Variants in STXBP5L observed in about 807,000 individuals in gnomAD.
STXBP5L encodes the protein syntaxin binding protein 5L, also known as syntaxin-binding protein 5-like.
Under a neutral mutation model 144.5 loss-of-function variants are expected in STXBP5L, and 65 were observed. The observed-to-expected ratio is 0.45, with a 90% CI of 0.37 to 0.55. The LOEUF (loss-of-function observed/expected upper bound fraction) is 0.55. STXBP5L is among the 20% of genes least tolerant of loss of function. The pLI, the probability that STXBP5L is intolerant of heterozygous loss-of-function variation, is 0.00. For synonymous variants in STXBP5L, 505 were observed against 469.6 expected, an observed-to-expected ratio of 1.08 and a Z score of -0.97; for missense variants, 1,298 against 1,405.5, an observed-to-expected ratio of 0.92 and a Z score of 1.22.
At chr3:121,257,511 C>T (rs2050245819) in intron 17 of STXBP5L, among the ~76,000 whole-genome samples, 178 bp downstream of exon 17, 1 of 152,150 alleles carries the variant, frequency 6.6e-6, no homozygotes, top group South Asian at 2.1e-4. Flanking sequence ...AATATTTTCA[C>T]CCTTCATTCA....
intron 20 of STXBP5L, among the ~76,000 whole-genome samples, chr3:121,340,234 T>A (rs1196669164): frequency 1.3e-5 from 2 of 151,990 alleles, no homozygotes; most frequent in South Asian, 2.1e-4. Context: ...CAACAGAGGA[T>A]CCAGAAATAC....
At chr3:121,046,713 T>C (rs1022503122) in intron 5 of STXBP5L, among the ~76,000 whole-genome samples, 1 of 152,140 alleles carries the variant, frequency 6.6e-6, no homozygotes, top group Non-Finnish European at 1.5e-5. Flanking sequence ...ATGTCTTTTT[T>C]GGCATTTATG....
At chr3:121,352,542 A>C (rs1473870700) in intron 20 of STXBP5L, among the ~76,000 whole-genome samples, 2 of 152,102 alleles carry the variant, frequency 1.3e-5, no homozygotes, top group African/African-American at 4.8e-5. Context: ...TTGTATCCAG[A>C]GACTTTGCTG....
At chr3:120,958,179 A>T (rs1386989214) in intron 3 of STXBP5L, among the ~76,000 whole-genome samples, 3 of 152,234 alleles carry the variant, frequency 2.0e-5, no homozygotes, top group African/African-American at 7.2e-5. Context: ...AAATTCCTGG[A>T]CACATACACC....
intron 5 of STXBP5L, among the ~76,000 whole-genome samples, chr3:121,051,820 A>T (rs1040593609): frequency 2.0e-4 from 30 of 152,358 alleles, no homozygotes; most frequent in African/African-American, 7.2e-4. Context: ...AAAAAGATCA[A>T]CAAAATTGAT....
At chr3:120,945,721 C>G (rs767843156) in intron 2 of STXBP5L, among the ~76,000 whole-genome samples, 1 of 151,702 alleles carries the variant, frequency 6.6e-6, no homozygotes, top group African/African-American at 2.4e-5. Context: ...AAATAGAGGT[C>G]ATTGGTTTTG....
chr3:121,002,987 GC>G (rs1943921557), intron 3 of STXBP5L, among the ~76,000 whole-genome samples: 1 of 152,162 alleles, frequency 6.6e-6, no homozygotes, highest in Admixed American at 6.5e-5. Flanking sequence ...CCAAGTCCTT[GC>G]TATTGTGAAT....
intron 3 of STXBP5L, among the ~76,000 whole-genome samples, chr3:121,015,192 C>A (rs1200880239): frequency 3.9e-5 from 6 of 151,994 alleles, no homozygotes; most frequent in African/African-American, 1.4e-4. Context: ...AACTCTTTAA[C>A]AAAATAGCAA....
rs552989913 is a variant in STXBP5L, at chr3:121,417,347, T to TA, written c.3227-983dup. 7.2e-5 allele frequency among the ~76,000 whole-genome samples: 11 copies of TA among 152,246 alleles called. No individual in the cohort carries two copies. The East Asian group carries it at 1.5e-3, about 21-fold the overall frequency. ...TTATATCTCAATAAGGCTATTATTT[T>TA]AAAAAAATTAGATTCCATCCACTCT... On this transcript the variant is annotated intron_variant, in intron 25 of 26. Coordinates refer to ENST00000471454, the MANE Select transcript of STXBP5L (RefSeq NM_001308330.2).
chr3:121,121,693 G>A lies in STXBP5L; in HGVS notation c.658G>A (p.Asp220Asn). ...PVVHLSDSPRDEGKLLIGYEN... is the reference protein window; with the variant it reads ...PVVHLSDSPRNEGKLLIGYEN... ...TGTACATTTAAGCGATAGCCCAAGA[G>A]ATGAAGGCAAAGTGAGTATTATGAT... is the stretch of plus-strand genomic sequence containing the variant. Residue 220 changes from aspartate (D) to asparagine (N), a missense_variant, in exon 7 of 27, where the codon GAT becomes AAT. Transcript: ENST00000471454. The A allele has an allele frequency of 6.2e-7, 1 of 1,600,774 alleles. No individual in the cohort carries two copies. The highest frequency in any genetic ancestry group is 8.5e-7 in the Non-Finnish European group (1 of 1,170,140).
Position 120,957,770 on chromosome 3 carries a change from G to A in STXBP5L, c.287+2733G>A, listed in dbSNP as rs957619910. ...ACACATTTAAAGCAGTGTGTAGAGG[G>A]AAATTTATAGCACTAAATGCCCACA... On this transcript the variant is annotated intron_variant, in intron 3 of 26. Transcript: ENST00000471454. Among the ~76,000 whole-genome samples, 4 of 152,084 alleles carry A rather than the reference G, an allele frequency of 2.6e-5. No homozygotes were observed. The South Asian group carries it at 8.3e-4, about 32-fold the overall frequency.
intron 2 of STXBP5L, among the ~76,000 whole-genome samples, chr3:120,934,607 T>C (rs1226314391): frequency 6.6e-6 from 1 of 152,060 alleles, no homozygotes; most frequent in Non-Finnish European, 1.5e-5. Context: ...CTCCAACGAT[T>C]ATAGTGGATT....
chr3:120,913,336 A>G (rs914568299), intron 2 of STXBP5L, among the ~76,000 whole-genome samples: 2 of 152,008 alleles, frequency 1.3e-5, no homozygotes, highest in African/African-American at 4.8e-5. Context: ...TAGAGAATCA[A>G]AATCTCTAGG....
At chr3:121,116,077 A>C (rs1459934045) in intron 6 of STXBP5L, among the ~76,000 whole-genome samples, 1 of 152,120 alleles carries the variant, frequency 6.6e-6, no homozygotes, top group Non-Finnish European at 1.5e-5. Flanking sequence ...CAAATATCCA[A>C]ACTATATCAC....
chr3:121,276,398 GA>G (rs1319164686), intron 18 of STXBP5L, among the ~76,000 whole-genome samples: 1 of 151,736 alleles, frequency 6.6e-6, no homozygotes, highest in African/African-American at 2.4e-5. Flanking sequence ...ATCCTTTAAA[GA>G]AATGAGAAAA....
intron 20 of STXBP5L, among the ~76,000 whole-genome samples, chr3:121,350,924 G>T (rs950651469): frequency 1.3e-5 from 2 of 152,032 alleles, no homozygotes; most frequent in Non-Finnish European, 2.9e-5. Flanking sequence ...TTAGGTCTGA[G>T]TAGTTTGATC....
chr3:121,410,516 A>C (rs940766843), intron 23 of STXBP5L, among the ~76,000 whole-genome samples: 1 of 152,014 alleles, frequency 6.6e-6, no homozygotes, highest in Non-Finnish European at 1.5e-5. Context: ...ATTTTCCCAT[A>C]CTGAGTATAT....
At chr3:121,338,205 C>G (rs1187392886) in intron 20 of STXBP5L, among the ~76,000 whole-genome samples, 3 of 151,984 alleles carry the variant, frequency 2.0e-5, no homozygotes, top group Non-Finnish European at 4.4e-5. Context: ...TTATAAAGAT[C>G]AGAGCAGAAC....
intron 14 of STXBP5L, among the ~76,000 whole-genome samples, chr3:121,245,229 A>G (rs1004643267): frequency 5.9e-5 from 9 of 152,044 alleles, no homozygotes; most frequent in African/African-American, 1.9e-4. Context: ...AAGTTGTTAT[A>G]GTTTAAAATA....
Sources: gnomAD v4.1 joint callset for allele counts (sites outside exome capture counted in the v4.1 genomes callset) on GRCh38, gnomAD v4.1.1 for gene constraint, MANE v1.5 for transcripts, NCBI Gene and HGNC (gene_info 2026-07-23, HGNC 2026-07-21) for gene names.